PLA2G4E: variants seen among roughly 807,000 people sequenced by gnomAD.
PLA2G4E encodes the protein phospholipase A2 group IVE.
Under a neutral mutation model 109.1 loss-of-function variants are expected in PLA2G4E, and 84 were observed. The observed-to-expected ratio is 0.77, with a 90% CI of 0.65 to 0.92. The LOEUF is 0.92. Ranked by LOEUF, PLA2G4E falls within the 40% of genes least tolerant of loss-of-function variation. The pLI is 0.00. For synonymous variants in PLA2G4E, 469 were observed against 436.1 expected, an observed-to-expected ratio of 1.08 and a Z score of -0.94; for missense variants, 1,057 against 1,076.6, an observed-to-expected ratio of 0.98 and a Z score of 0.25.
chr15:42,007,694 G>A (rs776109950), intron 3 of PLA2G4E, 35 bp downstream of exon 3: 1 of 1,600,110 alleles, frequency 6.2e-7, no homozygotes, highest in South Asian at 1.1e-5. Context: ...GTAAAATGCA[G>A]ACAGGGAAGA....
At chr15:42,006,009 T>C (rs1457230465) in exon 4 of PLA2G4E, 1 of 1,613,914 alleles carries the variant, frequency 6.2e-7, no homozygotes, top group Admixed American at 1.7e-5. Flanking sequence ...GAGTGGAAAC[T>C]TCACGTGGGT....
intron 1 of PLA2G4E, among the ~76,000 whole-genome samples, chr15:42,040,242 G>A (rs1291688060): frequency 6.6e-6 from 1 of 151,914 alleles, no homozygotes; most frequent in Non-Finnish European, 1.5e-5. Context: ...CAGTATTTAA[G>A]GCCTAGAGCA....
chr15:42,044,765 C>T (rs913712342), intron 1 of PLA2G4E, among the ~76,000 whole-genome samples: 16 of 149,708 alleles, frequency 1.1e-4, no homozygotes, highest in Non-Finnish European at 1.9e-4. Context: ...GCACATGTAC[C>T]CTAAAACTTA....
chr15:42,050,516 C>T (rs1160002837), intron 1 of PLA2G4E: 1 of 1,549,248 alleles, frequency 6.5e-7, no homozygotes, highest in African/African-American at 1.4e-5. Flanking sequence ...GGAACACAGA[C>T]ATACCTCAGA....
chr15:42,027,537 T>C (rs2068702836), intron 1 of PLA2G4E, among the ~76,000 whole-genome samples: 1 of 152,224 alleles, frequency 6.6e-6, no homozygotes, highest in Non-Finnish European at 1.5e-5. Context: ...CTGCTTCTAC[T>C]TTTGCCTTCC....
intron 7 of PLA2G4E, 120 bp downstream of exon 7, chr15:42,001,037 C>T: frequency 9.9e-7 from 1 of 1,009,170 alleles, no homozygotes; most frequent in Non-Finnish European, 1.5e-6. Context: ...GGGGTTTCAG[C>T]CGAGCTTTTG....
chr15:42,004,831 G>T, intron 5 of PLA2G4E, 107 bp downstream of exon 5: 1 of 1,202,964 alleles, frequency 8.3e-7, no homozygotes, highest in Non-Finnish European at 1.2e-6. Context: ...AGTGAGACTG[G>T]AAGAGGGTGA....
chr15:41,989,639 G>A, intron 14 of PLA2G4E, 87 bp from the exon 15 acceptor site: 1 of 1,502,848 alleles, frequency 6.7e-7, no homozygotes, highest in South Asian at 1.3e-5. Flanking sequence ...GCAGCCACTG[G>A]CTCAGGCCTT....
At position 41,989,398 on chromosome 15, in the gene PLA2G4E, A is replaced by G. The variant is rs761077889; in HGVS notation, c.1723+17T>C. ...GGCAGCAGCCCCCTGTCATTCCGCC[A>G]GTTGCAAGGCAGTCACCTAGCATGT... On this transcript the variant is annotated intron_variant, in intron 15 of 19. Transcript: ENST00000399518. 21 of 1,613,582 alleles carry G rather than the reference A, an allele frequency of 1.3e-5. No homozygotes were observed. In the Admixed American group the frequency reaches 3.5e-4, roughly 27 times the overall value.
At chr15:41,985,403 G>A (rs561921595) in intron 18 of PLA2G4E, among the ~76,000 whole-genome samples, 38 of 152,140 alleles carry the variant, frequency 2.5e-4, no homozygotes, top group Admixed American at 9.2e-4. Context: ...CTCCTCTCTC[G>A]CCAGGCTTCC....
At chr15:41,999,533 G>C in exon 10 of PLA2G4E, 3 of 1,608,850 alleles carry the variant, frequency 1.9e-6, no homozygotes, top group South Asian at 2.2e-5. Context: ...CCAGGGTGTA[G>C]ACTTCATGTG....
intron 2 of PLA2G4E, among the ~76,000 whole-genome samples, chr15:42,009,616 C>T (rs1339727438): frequency 1.3e-5 from 2 of 152,186 alleles, no homozygotes; most frequent in African/African-American, 4.8e-5. Context: ...TCCCTAATAC[C>T]CCACCCCTGC....
intron 1 of PLA2G4E, among the ~76,000 whole-genome samples, chr15:42,045,457 G>A (rs1481295035): frequency 1.3e-5 from 2 of 152,226 alleles, no homozygotes; most frequent in East Asian, 3.9e-4. Context: ...CAGCCACCCA[G>A]GCAGCACCGG....
At position 42,031,136 on chromosome 15, in the gene PLA2G4E, TA is replaced by T. The variant is rs894987266; in HGVS notation, c.184-17380del. On this transcript the variant is annotated intron_variant, in intron 1 of 19. Coordinates refer to ENST00000399518, the Ensembl canonical transcript of PLA2G4E. Reference sequence around the variant, plus strand: ...GCATTTGCCACCATGCCCAGCTAATTAAAAAAAAATTTGGTAGAGTCGGGGT... The same window carrying T: ...GCATTTGCCACCATGCCCAGCTAATTAAAAAAAATTTGGTAGAGTCGGGGT... Among the ~76,000 whole-genome samples the T allele has an allele frequency of 1.7e-4, 25 of 151,338 alleles. No homozygotes were observed. The East Asian group carries it at 2.1e-3, about 13-fold the overall frequency.
At chr15:42,042,905 T>C (rs1889340384) in intron 1 of PLA2G4E, among the ~76,000 whole-genome samples, 1 of 152,072 alleles carries the variant, frequency 6.6e-6, no homozygotes, top group South Asian at 2.1e-4. Context: ...CAACTTCAGG[T>C]ATGAAAAGGG....
At chr15:42,011,208 G>A (rs754809674) in intron 2 of PLA2G4E, among the ~76,000 whole-genome samples, 2 of 152,280 alleles carry the variant, frequency 1.3e-5, no homozygotes, top group African/African-American at 2.4e-5. Context: ...GTCTGCCCAA[G>A]GGGCATGTAG....
At chr15:42,048,563 CA>C (rs1448512796) in intron 1 of PLA2G4E, among the ~76,000 whole-genome samples, 88 of 152,314 alleles carry the variant, frequency 5.8e-4, no homozygotes, top group African/African-American at 2.1e-3. Context: ...GCCATGGGTA[CA>C]GCCTCATATG....
chr15:42,045,378 G>A (rs192396870), intron 1 of PLA2G4E, among the ~76,000 whole-genome samples: 88 of 152,306 alleles, frequency 5.8e-4, no homozygotes, highest in African/African-American at 2.1e-3. Context: ...CCCTGGAGTG[G>A]GCGGAGGCCT....
intron 1 of PLA2G4E, among the ~76,000 whole-genome samples, chr15:42,041,924 C>T (rs114345360): frequency 0.011 from 1,716 of 152,268 alleles, 30 homozygotes; most frequent in African/African-American, 0.04. Context: ...AGTCAGCAGA[C>T]AAATGATGGG....
Sources: gnomAD v4.1 joint callset for allele counts (sites outside exome capture counted in the v4.1 genomes callset) on GRCh38, gnomAD v4.1.1 for gene constraint, MANE v1.5 for transcripts, NCBI Gene and HGNC (gene_info 2026-07-23, HGNC 2026-07-21) for gene names.